The following FHIT variants were observed in gnomAD, a reference collection of about 807,000 sequenced individuals.
The protein encoded by FHIT is bis(5'-adenosyl)-triphosphatase.
A neutral mutation model predicts 17.9 loss-of-function variants in FHIT; 19 were observed. That is an observed-to-expected ratio of 1.06 (90% CI 0.74 to 1.56). The LOEUF is 1.56. Ranked by LOEUF, FHIT falls within the 40% of genes most tolerant of loss-of-function variation. The pLI is 0.00. For synonymous variants in FHIT, 81 were observed against 69.7 expected, an observed-to-expected ratio of 1.16 and a Z score of -0.81; for missense variants, 248 against 189.2, an observed-to-expected ratio of 1.31 and a Z score of -1.82.
chr3:60,959,166 G>C (rs528676544), intron 3 of FHIT, among the ~76,000 whole-genome samples: 2 of 152,214 alleles, frequency 1.3e-5, no homozygotes, highest in South Asian at 4.2e-4. Flanking sequence ...ACTGCTCTTG[G>C]GCATAGTGGT....
At chr3:60,019,186 G>C (rs1010272518) in intron 5 of FHIT, among the ~76,000 whole-genome samples, 1 of 152,052 alleles carries the variant, frequency 6.6e-6, no homozygotes, top group Admixed American at 6.6e-5. Flanking sequence ...CTCTGAATTT[G>C]CTTAAGGCTT....
intron 7 of FHIT, among the ~76,000 whole-genome samples, chr3:59,988,318 C>T (rs1334062618): frequency 1.3e-5 from 2 of 152,232 alleles, no homozygotes; most frequent in South Asian, 4.1e-4. Flanking sequence ...CTTACTCTCG[C>T]ATCTCTCTTT....
intron 5 of FHIT, among the ~76,000 whole-genome samples, chr3:60,363,377 A>C (rs6773500): frequency 0.39 from 59,048 of 151,994 alleles, 12,223 homozygotes; most frequent in Middle Eastern, 0.48. Flanking sequence ...TTTCAAAACA[A>C]ATCTAATCAC....
At chr3:60,637,691 C>T (rs1434596223) in intron 4 of FHIT, among the ~76,000 whole-genome samples, 1 of 152,064 alleles carries the variant, frequency 6.6e-6, no homozygotes, top group African/African-American at 2.4e-5. Flanking sequence ...AGAGAAGTAT[C>T]CTAAAACATA....
chr3:61,000,545 G>C (rs2107602519), intron 3 of FHIT, among the ~76,000 whole-genome samples: 1 of 152,052 alleles, frequency 6.6e-6, no homozygotes, highest in East Asian at 1.9e-4. Context: ...TCTGAAAAAA[G>C]GTAGAGTGAA....
intron 2 of FHIT, among the ~76,000 whole-genome samples, chr3:61,123,576 AATT>A (rs1476935810): frequency 6.6e-6 from 1 of 152,160 alleles, no homozygotes; most frequent in Non-Finnish European, 1.5e-5. Context: ...TTAACATAAA[AATT>A]ATTAAGATGA....
chr3:60,221,277 T>G (rs1436183789), intron 5 of FHIT, among the ~76,000 whole-genome samples: 1 of 152,146 alleles, frequency 6.6e-6, no homozygotes, highest in African/African-American at 2.4e-5. Flanking sequence ...AACGTTTTTT[T>G]CCTTTTGTTT....
intron 7 of FHIT, among the ~76,000 whole-genome samples, chr3:59,943,431 T>C (rs553157033): frequency 6.6e-6 from 1 of 152,300 alleles, no homozygotes; most frequent in African/African-American, 2.4e-5. Context: ...CATGAATACC[T>C]GCTTTACTTG....
intron 3 of FHIT, among the ~76,000 whole-genome samples, chr3:60,884,084 T>C (rs78616462): frequency 0.025 from 3,786 of 152,276 alleles, 153 homozygotes; most frequent in African/African-American, 0.086. Context: ...AAAGGAGACA[T>C]ACAAATGGAC....
At chr3:59,823,628 C>G (rs544846923) in intron 8 of FHIT, among the ~76,000 whole-genome samples, 1 of 152,182 alleles carries the variant, frequency 6.6e-6, no homozygotes, top group Non-Finnish European at 1.5e-5. Context: ...GCAGACAAAG[C>G]ATTTGACAAA....
At chr3:61,237,667 A>C (rs1409767400) in intron 1 of FHIT, among the ~76,000 whole-genome samples, 4 of 152,214 alleles carry the variant, frequency 2.6e-5, no homozygotes, top group Non-Finnish European at 5.9e-5. Context: ...ATACGTATTG[A>C]GTGCTGAGTA....
At chr3:61,208,134 T>A (rs976140423) in intron 1 of FHIT, among the ~76,000 whole-genome samples, 9 of 152,106 alleles carry the variant, frequency 5.9e-5, no homozygotes, top group African/African-American at 1.4e-4. Context: ...TTTGAGTGAG[T>A]TTCTTAATCC....
chr3:60,249,622 G>A (rs1267946498), intron 5 of FHIT, among the ~76,000 whole-genome samples: 6 of 150,138 alleles, frequency 4.0e-5, no homozygotes. Context: ...AGTGCCAGGA[G>A]TGACATTAGA....
At chr3:61,065,356 T>C (rs2034567347) in intron 2 of FHIT, among the ~76,000 whole-genome samples, 4 of 151,956 alleles carry the variant, frequency 2.6e-5, no homozygotes, top group African/African-American at 7.3e-5. Flanking sequence ...AAAATGCAAA[T>C]ATAGATGGTG....
chr3:59,903,972 A>T (rs917597091), intron 8 of FHIT, among the ~76,000 whole-genome samples: 32 of 152,202 alleles, frequency 2.1e-4, no homozygotes, highest in African/African-American at 7.5e-4. Flanking sequence ...GACTGGCTGA[A>T]ATCAGAACCC....
intron 8 of FHIT, among the ~76,000 whole-genome samples, chr3:59,894,064 G>T (rs548894533): frequency 5.9e-5 from 9 of 152,256 alleles, no homozygotes; most frequent in South Asian, 2.1e-4. Context: ...ACCAGCCTGG[G>T]CAACATGGCG....
intron 5 of FHIT, among the ~76,000 whole-genome samples, chr3:60,191,672 G>A (rs1227759530): frequency 6.6e-6 from 1 of 152,142 alleles, no homozygotes; most frequent in African/African-American, 2.4e-5. Flanking sequence ...TTGGGAAAGT[G>A]AGGACATTGA....
At chr3:60,186,467 A>G (rs1368200688) in intron 5 of FHIT, among the ~76,000 whole-genome samples, 1 of 152,136 alleles carries the variant, frequency 6.6e-6, no homozygotes, top group Non-Finnish European at 1.5e-5. Flanking sequence ...AAGGCTCAGC[A>G]TTTTCGAAAA....
At chr3:60,001,359 G>A (rs907289765) in intron 7 of FHIT, among the ~76,000 whole-genome samples, 2 of 152,142 alleles carry the variant, frequency 1.3e-5, no homozygotes, top group African/African-American at 4.8e-5. Context: ...TTCAAAGTCT[G>A]TACTTGAAAA....
Sources: gnomAD v4.1 joint callset for allele counts (sites outside exome capture counted in the v4.1 genomes callset) on GRCh38, gnomAD v4.1.1 for gene constraint, MANE v1.5 for transcripts, NCBI Gene and HGNC (gene_info 2026-07-23, HGNC 2026-07-21) for gene names.